MOCOS: variants seen among roughly 807,000 people sequenced by gnomAD.
MOCOS encodes human molybdenum cofactor sulfurase.
Under a neutral mutation model 83.6 loss-of-function variants are expected in MOCOS, and 86 were observed. The observed-to-expected ratio is 1.03, with a 90% CI of 0.86 to 1.23. MOCOS has a LOEUF of 1.23. MOCOS is among the 50% of genes most tolerant of loss of function. MOCOS has a pLI of 0.00. For missense variants in MOCOS, 1,120 were observed against 1,126.9 expected (o/e 0.99, Z 0.09); for synonymous variants, 445 against 434.7 (o/e 1.02, Z -0.29).
rs1389244654 is a variant in MOCOS, at chr18:36,213,355, T to G, written c.1219-11T>G. The G allele has an allele frequency of 6.2e-7, 1 of 1,610,854 alleles. No individual in the cohort carries two copies. The highest frequency in any genetic ancestry group is 1.1e-5 in the South Asian group (1 of 90,974). ...GGTAATGGCTCATTCCATGTTACAT[T>G]AAATCCGCAGGTGGACAAAATGGCC... On this transcript the variant is annotated splice_polypyrimidine_tract_variant and intron_variant, in intron 6 of 14. Transcript: ENST00000261326.
intron 13 of MOCOS, among the ~76,000 whole-genome samples, chr18:36,263,386 A>G (rs1254687235): frequency 6.6e-6 from 1 of 152,232 alleles, no homozygotes; most frequent in Non-Finnish European, 1.5e-5. Flanking sequence ...TTCAAAGGAG[A>G]AGAACTAAGT....
intron 11 of MOCOS, chr18:36,256,743 T>C (rs1399489109): frequency 1.5e-5 from 7 of 480,002 alleles, no homozygotes; most frequent in African/African-American, 3.9e-5. Context: ...GCCCTTATTG[T>C]TATTTTCTCC....
rs547867899 is a variant in MOCOS, at chr18:36,254,995, G to A, written c.2165-1973G>A. ...CTCACCTTGGCCTCCCAAAGTGCTGGGACTACAGGCATGAGCCTTTGCACC... is the reference window on the plus strand; with the variant it reads ...CTCACCTTGGCCTCCCAAAGTGCTGAGACTACAGGCATGAGCCTTTGCACC... On this transcript the variant is annotated intron_variant, in intron 11 of 14. Coordinates refer to ENST00000261326, the MANE Select transcript of MOCOS (RefSeq NM_017947.4). 1.2e-3 allele frequency among the ~76,000 whole-genome samples: 178 copies of A among 152,064 alleles called. 2 individuals are homozygous for A. In the South Asian group the frequency reaches 0.035, roughly 30 times the overall value.
intron 1 of MOCOS, among the ~76,000 whole-genome samples, chr18:36,191,535 T>C (rs1416417655): frequency 1.3e-5 from 2 of 152,138 alleles, no homozygotes; most frequent in African/African-American, 4.8e-5. Context: ...CCTTGACCTC[T>C]TGGGCTTAAG....
At chr18:36,209,939 A>G (rs1471246625) in intron 6 of MOCOS, among the ~76,000 whole-genome samples, 1 of 152,110 alleles carries the variant, frequency 6.6e-6, no homozygotes, top group Non-Finnish European at 1.5e-5. Flanking sequence ...CCTGAGCTCA[A>G]TTAATCTGCC....
chr18:36,245,498 G>T (rs1015980865), intron 9 of MOCOS, among the ~76,000 whole-genome samples: 3 of 152,194 alleles, frequency 2.0e-5, no homozygotes. Context: ...GAAATCTGCT[G>T]TTAATCTGTT....
intron 9 of MOCOS, among the ~76,000 whole-genome samples, chr18:36,241,974 C>T (rs1210615511): frequency 1.3e-5 from 2 of 152,200 alleles, no homozygotes; most frequent in African/African-American, 2.4e-5. Flanking sequence ...GCCTGACCCG[C>T]GAAGCCATTT....
chr18:36,195,494 C>A (rs1416978487), intron 2 of MOCOS, 148 bp downstream of exon 2: 3 of 712,100 alleles, frequency 4.2e-6, no homozygotes, highest in Non-Finnish European at 7.3e-6. Context: ...GGCAAGCACC[C>A]TGGGTCATTC....
chr18:36,233,804 C>T (rs1328392296), intron 9 of MOCOS, among the ~76,000 whole-genome samples: 3 of 152,056 alleles, frequency 2.0e-5, no homozygotes, highest in African/African-American at 7.2e-5. Context: ...TGAGCATTTT[C>T]TCATGTTTGT....
chr18:36,238,471 T>C (rs1378891953), intron 9 of MOCOS, among the ~76,000 whole-genome samples: 1 of 149,586 alleles, frequency 6.7e-6, no homozygotes, highest in Admixed American at 6.7e-5. Flanking sequence ...TCCTGAGTTC[T>C]AGTTTGATTG....
At chr18:36,243,652 C>T (rs1265178036) in intron 9 of MOCOS, among the ~76,000 whole-genome samples, 2 of 152,164 alleles carry the variant, frequency 1.3e-5, no homozygotes, top group South Asian at 4.1e-4. Context: ...GGAGGATTCC[C>T]TCTGTCTCTG....
At chr18:36,253,121 A>T (rs1762358887) in intron 11 of MOCOS, among the ~76,000 whole-genome samples, 1 of 152,116 alleles carries the variant, frequency 6.6e-6, no homozygotes, top group African/African-American at 2.4e-5. Flanking sequence ...CAGCAGTGAA[A>T]TCTCTAAGTG....
chr18:36,242,559 A>G (rs974814667), intron 9 of MOCOS, among the ~76,000 whole-genome samples: 1 of 152,216 alleles, frequency 6.6e-6, no homozygotes, highest in Admixed American at 6.5e-5. Flanking sequence ...AATTTACTGT[A>G]TTAGTCCATT....
Position 36,220,218 on chromosome 18 carries a change from G to A in MOCOS, c.1960+1G>A. The A allele has an allele frequency of 1.2e-6, 2 of 1,614,060 alleles. No individual in the cohort carries two copies. The highest frequency in any genetic ancestry group is 1.7e-6 in the Non-Finnish European group (2 of 1,180,010). ...AGGATCATGGTCATCAAAGCCAAAG[G>A]TGGGAAAACTGCTTCATTTTCACAG... On this transcript the variant is annotated splice_donor_variant, in intron 9 of 14. Coordinates refer to ENST00000261326, the MANE Select transcript of MOCOS (RefSeq NM_017947.4). LOFTEE classifies it high-confidence loss of function.
rs72890623 is a variant in MOCOS at position 36,209,676 on chromosome 18, G to A, written c.1219-3690G>A. 3.8e-3 allele frequency among the ~76,000 whole-genome samples: 572 copies of A among 151,418 alleles called. 1 individual carries two copies. The highest frequency in any genetic ancestry group is 5.8e-3 in the Non-Finnish European group (392 of 67,812). ...GCTGCAAAGGCCATTGTTTTGTTTC[G>A]TTTTATGGCTGAGTAGTATTCCATG... is the stretch of plus-strand genomic sequence containing the variant. On this transcript the variant is annotated intron_variant, in intron 6 of 14. Coordinates refer to ENST00000261326, the MANE Select transcript of MOCOS (RefSeq NM_017947.4).
rs766648005 is a variant in MOCOS, at chr18:36,213,372, A to C, written c.1225A>C (p.Lys409Gln). The change falls in exon 7 of 15, where the codon AAA becomes CAA. Residue 409 changes from lysine to glutamine, a missense_variant. By Grantham distance (53) the Lys-to-Gln change is moderately conservative. Transcript: ENST00000261326. ...TGTTACATTAAATCCGCAGGTGGAC[A>C]AAATGGCCAGTCTTTACAACATCCA... ...GNIIGYSQVD[K>Q]MASLYNIHLR... 6.2e-7 allele frequency: 1 copy of C among 1,614,004 alleles called. No individual in the cohort carries two copies. Among genetic ancestry groups the C allele is most frequent in the Non-Finnish European group, 8.5e-7 (1 of 1,179,876 alleles).
intron 11 of MOCOS, among the ~76,000 whole-genome samples, chr18:36,254,245 A>G (rs1429266145): frequency 1.3e-5 from 2 of 152,242 alleles, no homozygotes; most frequent in African/African-American, 4.8e-5. Context: ...TTCCTCACTC[A>G]TACTAAAATT....
Position 36,243,404 on chromosome 18 carries a change from C to A in MOCOS, c.1961-5518C>A, listed in dbSNP as rs145194753. Among the ~76,000 whole-genome samples, 590 of 152,216 alleles carry A rather than the reference C, an allele frequency of 3.9e-3. 3 individuals carry two copies. Among genetic ancestry groups the A allele is most frequent in the African/African-American group, 0.012 (516 of 41,526 alleles). The stretch of plus-strand genomic sequence containing the variant: ...TTTGTTTTTACTCCTGTTTATGTGG[C>A]ATATCACATTTATTGACTTGTGTAA... On this transcript the variant is annotated intron_variant, in intron 9 of 14. Coordinates refer to ENST00000261326, the MANE Select transcript of MOCOS (RefSeq NM_017947.4).
chr18:36,254,600 TATATATACACACACAC>T (rs1337127929), intron 11 of MOCOS, among the ~76,000 whole-genome samples: 1 of 151,290 alleles, frequency 6.6e-6, no homozygotes, highest in Non-Finnish European at 1.5e-5. Context: ...TGTGTGTATA[TATATATACACACACAC>T]ATATATATAT....
Sources: gnomAD v4.1 joint callset for allele counts (sites outside exome capture counted in the v4.1 genomes callset) on GRCh38, gnomAD v4.1.1 for gene constraint, MANE v1.5 for transcripts, NCBI Gene and HGNC (gene_info 2026-07-23, HGNC 2026-07-21) for gene names.